The following PLXDC2 variants were observed in gnomAD, a reference collection of about 807,000 sequenced individuals.
PLXDC2 encodes plexin domain-containing protein 2.
In PLXDC2, 40 loss-of-function variants were observed where a neutral mutation model predicts 68.9. That is an observed-to-expected ratio of 0.58 (90% CI 0.45 to 0.76). The LOEUF (loss-of-function observed/expected upper bound fraction) is 0.76, where lower values mean the gene tolerates loss of function less well. Among genes scored for constraint, PLXDC2 ranks in the 30% least tolerant of loss-of-function variants. The pLI is 0.00. For missense variants in PLXDC2, 644 were observed against 661.9 expected (o/e 0.97, Z 0.30); for synonymous variants, 243 against 234.2 (o/e 1.04, Z -0.34).
intron 3 of PLXDC2, among the ~76,000 whole-genome samples, chr10:20,051,823 A>C (rs138069834): frequency 9.9e-5 from 15 of 152,142 alleles, no homozygotes; most frequent in Middle Eastern, 3.4e-3. Flanking sequence ...AGGGGTTGGC[A>C]ACCTGTTTCT....
rs139164306 is a variant in PLXDC2, at chr10:20,247,656, T to C, written c.1473+2151T>C. Among the ~76,000 whole-genome samples, 499 of 152,308 alleles carry C rather than the reference T, an allele frequency of 3.3e-3. 5 individuals carry two copies. Among genetic ancestry groups the C allele is most frequent in the African/African-American group, 0.011 (460 of 41,588 alleles). On this transcript the variant is annotated intron_variant, in intron 13 of 13. Coordinates refer to ENST00000377252, the MANE Select transcript of PLXDC2 (RefSeq NM_032812.9). ...GATACACCCCTACCTTTCTCTGGCATTCATCTTTCTGTTTTGCATTAGAGT... is the reference window on the plus strand; with the variant it reads ...GATACACCCCTACCTTTCTCTGGCACTCATCTTTCTGTTTTGCATTAGAGT...
intron 1 of PLXDC2, among the ~76,000 whole-genome samples, chr10:19,917,952 T>C (rs1362991093): frequency 6.6e-6 from 1 of 152,178 alleles, no homozygotes; most frequent in South Asian, 2.1e-4. Context: ...TGGTGAGTTA[T>C]GCCAAAAGAA....
chr10:20,221,561 C>T (rs753258813), intron 12 of PLXDC2, among the ~76,000 whole-genome samples: 3 of 152,178 alleles, frequency 2.0e-5, no homozygotes, highest in Non-Finnish European at 4.4e-5. Context: ...ATAAACGGTT[C>T]TTCAAAAGGG....
chr10:20,027,114 A>C (rs1228293136), intron 2 of PLXDC2, among the ~76,000 whole-genome samples: 1 of 132,852 alleles, frequency 7.5e-6, no homozygotes, highest in East Asian at 2.9e-4. Flanking sequence ...ATATATTCTA[A>C]TATACATAAT....
At chr10:20,148,015 G>T in intron 6 of PLXDC2, 113 bp downstream of exon 6, 2 of 751,034 alleles carry the variant, frequency 2.7e-6, no homozygotes, top group South Asian at 3.5e-5. Context: ...TCATTTTCTT[G>T]CCTCTTGGTT....
At chr10:20,104,748 C>G (rs1589631313) in intron 4 of PLXDC2, among the ~76,000 whole-genome samples, 1 of 151,930 alleles carries the variant, frequency 6.6e-6, no homozygotes. Flanking sequence ...GTTGCCAACT[C>G]TAACATAAGA....
At chr10:19,886,971 A>T (rs1243690032) in intron 1 of PLXDC2, among the ~76,000 whole-genome samples, 1 of 152,230 alleles carries the variant, frequency 6.6e-6, no homozygotes, top group Non-Finnish European at 1.5e-5. Flanking sequence ...TACTTGTGAT[A>T]GAATGAGAAT....
intron 7 of PLXDC2, among the ~76,000 whole-genome samples, chr10:20,170,679 G>C (rs1834436258): frequency 6.6e-6 from 1 of 152,016 alleles, no homozygotes; most frequent in Non-Finnish European, 1.5e-5. Context: ...GAATCGTATA[G>C]TGTGATTTCA....
chr10:20,005,512 A>T (rs1320168090), intron 2 of PLXDC2, among the ~76,000 whole-genome samples: 2 of 152,156 alleles, frequency 1.3e-5, no homozygotes, highest in African/African-American at 4.8e-5. Context: ...GGTAATTCAT[A>T]AAGAGAAGAG....
At chr10:20,166,815 C>A (rs1834382403) in intron 7 of PLXDC2, among the ~76,000 whole-genome samples, 1 of 151,970 alleles carries the variant, frequency 6.6e-6, no homozygotes, top group Non-Finnish European at 1.5e-5. Context: ...GATATCAGGG[C>A]CCTAAAGTGT....
At chr10:20,213,771 T>C (rs1267216636) in intron 10 of PLXDC2, among the ~76,000 whole-genome samples, 1 of 152,138 alleles carries the variant, frequency 6.6e-6, no homozygotes, top group African/African-American at 2.4e-5. Flanking sequence ...AAAGGGTCTA[T>C]GTGTGTTCAA....
rs1339127518 is a variant in PLXDC2 at position 19,913,870 on chromosome 10, T to C, written c.113-87905T>C. Among the ~76,000 whole-genome samples, 3 of 152,176 alleles carry C rather than the reference T, an allele frequency of 2.0e-5. No homozygotes were observed. In the East Asian group the frequency reaches 5.8e-4, roughly 29 times the overall value. Reference sequence around the variant, plus strand: ...TGGAAATAGAAAAGTTAATTTCAACTACAGCTTTTTATTTTAGTTCTACCC... The same window carrying C: ...TGGAAATAGAAAAGTTAATTTCAACCACAGCTTTTTATTTTAGTTCTACCC... On this transcript the variant is annotated intron_variant, in intron 1 of 13. Coordinates refer to ENST00000377252, the MANE Select transcript of PLXDC2 (RefSeq NM_032812.9).
At chr10:19,992,493 T>G (rs923063110) in intron 1 of PLXDC2, among the ~76,000 whole-genome samples, 1 of 152,224 alleles carries the variant, frequency 6.6e-6, no homozygotes, top group Non-Finnish European at 1.5e-5. Flanking sequence ...TATATGAAAA[T>G]TCAGTGGATG....
intron 4 of PLXDC2, among the ~76,000 whole-genome samples, chr10:20,079,775 G>A (rs752164061): frequency 1.8e-4 from 28 of 152,070 alleles, no homozygotes; most frequent in Non-Finnish European, 3.5e-4. Context: ...ACACAATGGG[G>A]CCCGTCAGGG....
chr10:20,086,795 A>C (rs1222114927), intron 4 of PLXDC2, among the ~76,000 whole-genome samples: 1 of 152,184 alleles, frequency 6.6e-6, no homozygotes, highest in Admixed American at 6.5e-5. Context: ...TTGAAAAATC[A>C]AGCCTGTAGC....
At chr10:19,829,154 C>CTTTTTTTTTTTTTTTTTTTTTTTTTTTTT (rs71388870) in intron 1 of PLXDC2, among the ~76,000 whole-genome samples, 2 of 94,418 alleles carry the variant, frequency 2.1e-5, no homozygotes, top group African/African-American at 4.4e-5. Flanking sequence ...ACGCTTTCCT[C>CTTTTTTTTTTTTTTTTTTTTTTTTTTTTT]TTTTTTTTTT....
At chr10:19,861,294 C>T (rs563407076) in intron 1 of PLXDC2, among the ~76,000 whole-genome samples, 26 of 152,204 alleles carry the variant, frequency 1.7e-4, no homozygotes, top group African/African-American at 6.3e-4. Context: ...CTCTGCCTCC[C>T]AAAGTGCTGG....
intron 1 of PLXDC2, among the ~76,000 whole-genome samples, chr10:19,821,208 T>C (rs886789278): frequency 6.6e-6 from 1 of 152,184 alleles, no homozygotes; most frequent in African/African-American, 2.4e-5. Flanking sequence ...CTCAAGCACT[T>C]TCCCACCCTC....
At chr10:20,009,134 C>A (rs1327710765) in intron 2 of PLXDC2, among the ~76,000 whole-genome samples, 1 of 152,126 alleles carries the variant, frequency 6.6e-6, no homozygotes, top group African/African-American at 2.4e-5. Context: ...ATGAATGTAA[C>A]TATAAAGGAG....
Sources: gnomAD v4.1 joint callset for allele counts (sites outside exome capture counted in the v4.1 genomes callset) on GRCh38, gnomAD v4.1.1 for gene constraint, MANE v1.5 for transcripts, NCBI Gene and HGNC (gene_info 2026-07-23, HGNC 2026-07-21) for gene names.